Variants in PLS1 observed in about 807,000 individuals in gnomAD.
PLS1 encodes plastin 1, also known as plastin-1.
Under a neutral mutation model 73.7 loss-of-function variants are expected in PLS1, and 32 were observed. That is an observed-to-expected ratio of 0.43 (90% CI 0.33 to 0.58). The LOEUF is 0.58. Ranked by LOEUF, PLS1 falls within the 20% of genes least tolerant of loss-of-function variation. PLS1 has a pLI of 0.04. For synonymous variants in PLS1, 217 were observed against 261.3 expected, an observed-to-expected ratio of 0.83 and a Z score of 1.63; for missense variants, 633 against 740.5, an observed-to-expected ratio of 0.85 and a Z score of 1.68.
chr3:142,643,508 C>G (rs1318265710), intron 1 of PLS1, among the ~76,000 whole-genome samples: 1 of 152,082 alleles, frequency 6.6e-6, no homozygotes, highest in Non-Finnish European at 1.5e-5. Context: ...GGAGAAAGGT[C>G]GAGCAGAAAT....
At chr3:142,665,288 A>C (rs1267926214) in intron 2 of PLS1, among the ~76,000 whole-genome samples, 3 of 150,576 alleles carry the variant, frequency 2.0e-5, no homozygotes, top group African/African-American at 7.4e-5. Flanking sequence ...TTAAAAAAAA[A>C]AAGCACTCCA....
chr3:142,670,124 G>A (rs2037573791), intron 3 of PLS1, among the ~76,000 whole-genome samples: 1 of 152,198 alleles, frequency 6.6e-6, no homozygotes, highest in Admixed American at 6.5e-5. Flanking sequence ...GGCAAGGCTG[G>A]ATAACCCAGG....
At position 142,704,355 on chromosome 3, in the gene PLS1, T is replaced by A. The variant is rs572833445; in HGVS notation, c.1506-108T>A. 660 of 871,414 alleles carry A rather than the reference T, an allele frequency of 7.6e-4. 1 individual carries two copies. Among genetic ancestry groups the A allele is most frequent in the Admixed American group, 2.8e-3 (88 of 30,948 alleles). 54.0% of individuals were successfully genotyped at this position (871,414 alleles called of 1,614,324 possible). On this transcript the variant is annotated intron_variant, in intron 13 of 15. Transcript: ENST00000457734. ...AATGCCAGACTAAAATTAGAAATAT[T>A]TATTAGAACTGAACTATTTCTTAAG...
chr3:142,682,736 A>G (rs551245981), intron 6 of PLS1, among the ~76,000 whole-genome samples: 1 of 152,360 alleles, frequency 6.6e-6, no homozygotes, highest in Admixed American at 6.5e-5. Flanking sequence ...CTGTCTCTTG[A>G]AAGTTGCATA....
chr3:142,611,831 G>A (rs908441683), intron 1 of PLS1, among the ~76,000 whole-genome samples: 2 of 151,944 alleles, frequency 1.3e-5, no homozygotes, highest in African/African-American at 4.8e-5. Flanking sequence ...CTTTTTCTAA[G>A]CCTTTTGCTA....
chr3:142,684,521 A>AT (rs2037923725), intron 8 of PLS1, 126 bp downstream of exon 8: 1 of 739,632 alleles, frequency 1.4e-6, no homozygotes, highest in African/African-American at 1.8e-5. Flanking sequence ...GAAAATTTGC[A>AT]TTACTGTGTG....
intron 1 of PLS1, among the ~76,000 whole-genome samples, chr3:142,640,925 G>A (rs925974001): frequency 2.0e-5 from 3 of 151,804 alleles, no homozygotes; most frequent in African/African-American, 7.3e-5. Flanking sequence ...TTTGAGCTGG[G>A]CCTGGTGACA....
chr3:142,656,240 G>A (rs149216186), intron 1 of PLS1, among the ~76,000 whole-genome samples: 6,722 of 152,236 alleles, frequency 0.044, 485 homozygotes, highest in African/African-American at 0.15. Flanking sequence ...GGGATTACAG[G>A]CATGAGCCAC....
At chr3:142,613,832 A>G (rs1461460237) in intron 1 of PLS1, among the ~76,000 whole-genome samples, 19 of 152,208 alleles carry the variant, frequency 1.2e-4, no homozygotes, top group Non-Finnish European at 7.3e-5. Flanking sequence ...TTCTCCTCTA[A>G]GCTACTCTGT....
chr3:142,711,384 T>C, intron 14 of PLS1, 117 bp from the exon 15 acceptor site: 1 of 653,318 alleles, frequency 1.5e-6, no homozygotes. Flanking sequence ...AGCTGAACGT[T>C]AGGTTAAGTA....
intron 1 of PLS1, among the ~76,000 whole-genome samples, chr3:142,637,234 A>G (rs987114946): frequency 6.6e-6 from 1 of 152,218 alleles, no homozygotes; most frequent in African/African-American, 2.4e-5. Context: ...TAAAATACAC[A>G]ACATAGATCT....
At chr3:142,637,835 A>G (rs2036727079) in intron 1 of PLS1, among the ~76,000 whole-genome samples, 1 of 152,160 alleles carries the variant, frequency 6.6e-6, no homozygotes, top group Admixed American at 6.6e-5. Flanking sequence ...ATCTGTAGAT[A>G]AACAACATGC....
chr3:142,683,799 G>A (rs1284152137), intron 6 of PLS1, among the ~76,000 whole-genome samples: 1 of 151,018 alleles, frequency 6.6e-6, no homozygotes, highest in Non-Finnish European at 1.5e-5. Flanking sequence ...AGGAGGTCTG[G>A]GTGGAAATAG....
intron 5 of PLS1, among the ~76,000 whole-genome samples, chr3:142,677,417 A>T (rs770476011): frequency 5.9e-5 from 9 of 152,130 alleles, no homozygotes; most frequent in Non-Finnish European, 1.2e-4. Flanking sequence ...AGGCTGAGGC[A>T]GGAGGATCAC....
intron 1 of PLS1, among the ~76,000 whole-genome samples, chr3:142,611,777 A>G (rs1353738020): frequency 2.6e-5 from 4 of 152,188 alleles, no homozygotes; most frequent in African/African-American, 9.7e-5. Context: ...TATTGAAAAT[A>G]ATACCTAATA....
intron 8 of PLS1, 77 bp downstream of exon 8, chr3:142,684,472 A>G (rs1298484185): frequency 8.4e-7 from 1 of 1,193,732 alleles, no homozygotes; most frequent in Non-Finnish European, 1.2e-6. Flanking sequence ...TCAGACTTAA[A>G]TTTGAATTAA....
At chr3:142,601,722 G>T (rs2035931212) in intron 1 of PLS1, among the ~76,000 whole-genome samples, 1 of 151,958 alleles carries the variant, frequency 6.6e-6, no homozygotes, top group African/African-American at 2.4e-5. Context: ...TTGCTATGTT[G>T]TCTAGGCTGA....
At chr3:142,674,568 T>C (rs113227644) in intron 4 of PLS1, among the ~76,000 whole-genome samples, 2,749 of 152,252 alleles carry the variant, frequency 0.018, 83 homozygotes, top group African/African-American at 0.062. Context: ...AGTTGTACAA[T>C]GTTTTTACTT....
chr3:142,639,775 TAGTA>T (rs1323919796), intron 1 of PLS1, among the ~76,000 whole-genome samples: 1 of 152,242 alleles, frequency 6.6e-6, no homozygotes, highest in African/African-American at 2.4e-5. Context: ...AGGCAGTTCT[TAGTA>T]AGTGTTGGCT....
Sources: gnomAD v4.1 joint callset for allele counts (sites outside exome capture counted in the v4.1 genomes callset) on GRCh38, gnomAD v4.1.1 for gene constraint, MANE v1.5 for transcripts, NCBI Gene and HGNC (gene_info 2026-07-23, HGNC 2026-07-21) for gene names.